The following PCGF6 variants were observed in gnomAD, a reference collection of about 807,000 sequenced individuals.
The protein encoded by PCGF6 is polycomb group ring finger 6, also known as polycomb group RING finger protein 6.
In PCGF6, 24 loss-of-function variants were observed where a neutral mutation model predicts 45.5. The ratio of observed to expected loss-of-function variants is 0.53; its 90% CI spans 0.38 to 0.74. PCGF6 has a LOEUF of 0.74. Among genes scored for constraint, PCGF6 ranks in the 30% least tolerant of loss-of-function variants. PCGF6 has a pLI of 0.00. For missense variants in PCGF6, 356 were observed against 443.2 expected (o/e 0.80, Z 1.77); for synonymous variants, 152 against 162.1 (o/e 0.94, Z 0.47).
intron 8 of PCGF6, among the ~76,000 whole-genome samples, chr10:103,321,313 G>A (rs1472698846): frequency 1.3e-5 from 2 of 152,038 alleles, no homozygotes; most frequent in African/African-American, 4.8e-5. Flanking sequence ...ATTTCAAAAT[G>A]CTAAAAGCCT....
At chr10:103,350,607 C>CGGCGGCGCACTAGGATCGG in intron 1 of PCGF6, 100 bp downstream of exon 1, 1 of 1,203,596 alleles carries the variant, frequency 8.3e-7, no homozygotes, top group Non-Finnish European at 1.1e-6. Flanking sequence ...CTCCGCGCGG[C>CGGCGGCGCACTAGGATCGG]GGCGGCGCAC....
chr10:103,304,104 TAG>T, intron 9 of PCGF6, 143 bp from the exon 10 acceptor site: 1 of 646,982 alleles, frequency 1.5e-6, no homozygotes, highest in Non-Finnish European at 2.7e-6. Flanking sequence ...GTGGACCATA[TAG>T]TTTCTTATTC....
rs145577572 is a variant in PCGF6, at chr10:103,313,303, C to T, written c.996+883G>A. 4.1e-3 allele frequency among the ~76,000 whole-genome samples: 622 copies of T among 152,110 alleles called. 4 individuals carry two copies. The highest frequency in any genetic ancestry group is 0.014 in the African/African-American group (601 of 41,504). On this transcript the variant is annotated intron_variant, in intron 9 of 9. Transcript: ENST00000369847. ...ACACAGGCTGGGCAGAGGGGCTCACCCCTGTAATCCCAGCCCTTTGGGAGG... is the reference window on the plus strand; with the variant it reads ...ACACAGGCTGGGCAGAGGGGCTCACTCCTGTAATCCCAGCCCTTTGGGAGG...
At chr10:103,304,834 T>G (rs1042288014) in intron 9 of PCGF6, among the ~76,000 whole-genome samples, 4 of 152,040 alleles carry the variant, frequency 2.6e-5, no homozygotes, top group African/African-American at 9.7e-5. Flanking sequence ...TTGTATTTTT[T>G]GTAGGAGACA....
chr10:103,315,397 T>C (rs1390909713), intron 8 of PCGF6, among the ~76,000 whole-genome samples: 1 of 152,284 alleles, frequency 6.6e-6, no homozygotes, highest in South Asian at 2.1e-4. Context: ...TCTCGCTCTG[T>C]CGCCCAGGCT....
chr10:103,309,818 T>C (rs1261961720), intron 9 of PCGF6, among the ~76,000 whole-genome samples: 6 of 152,010 alleles, frequency 3.9e-5, no homozygotes, highest in Non-Finnish European at 7.4e-5. Flanking sequence ...GTAACGTCTG[T>C]TGTCCCAGCT....
chr10:103,339,558 A>G (rs2093270681), intron 6 of PCGF6, among the ~76,000 whole-genome samples: 1 of 151,620 alleles, frequency 6.6e-6, no homozygotes, highest in African/African-American at 2.4e-5. Context: ...TGGGAGGCCA[A>G]GGCAGGTGGA....
chr10:103,329,782 G>GT (rs1479159232), intron 7 of PCGF6, among the ~76,000 whole-genome samples: 1 of 133,232 alleles, frequency 7.5e-6, no homozygotes, highest in Non-Finnish European at 1.6e-5. Context: ...CAGTTTTTTT[G>GT]TTGTTTGTTT....
At chr10:103,336,064 G>A (rs781486321) in intron 6 of PCGF6, among the ~76,000 whole-genome samples, 2 of 150,250 alleles carry the variant, frequency 1.3e-5, no homozygotes, top group African/African-American at 4.9e-5. Flanking sequence ...TCAGGAGCTC[G>A]AGACCAGCCT....
chr10:103,306,568 G>C (rs921800158), intron 9 of PCGF6, among the ~76,000 whole-genome samples: 1 of 151,996 alleles, frequency 6.6e-6, no homozygotes, highest in Non-Finnish European at 1.5e-5. Context: ...ACTCTCCTTC[G>C]CTTCTTTGCT....
At chr10:103,321,482 G>C (rs2093197115) in intron 8 of PCGF6, among the ~76,000 whole-genome samples, 1 of 152,144 alleles carries the variant, frequency 6.6e-6, no homozygotes. Context: ...GGGAGGCCAA[G>C]GTGGGCGGAT....
At chr10:103,321,949 G>A (rs950648473) in intron 8 of PCGF6, among the ~76,000 whole-genome samples, 2 of 149,840 alleles carry the variant, frequency 1.3e-5, no homozygotes, top group Non-Finnish European at 3.0e-5. Flanking sequence ...AGGCTGGAGT[G>A]CAGTGGCATG....
At chr10:103,350,282 AT>A (rs1403419344) in intron 1 of PCGF6, among the ~76,000 whole-genome samples, 2 of 149,750 alleles carry the variant, frequency 1.3e-5, no homozygotes, top group East Asian at 4.1e-4. Flanking sequence ...AAAAAAAAAA[AT>A]GTTTAATTAG....
At chr10:103,334,383 G>C (rs1267308897) in intron 6 of PCGF6, among the ~76,000 whole-genome samples, 1 of 151,934 alleles carries the variant, frequency 6.6e-6, no homozygotes, top group Non-Finnish European at 1.5e-5. Flanking sequence ...GAACATTTAG[G>C]ATCTACTTTT....
chr10:103,315,668 G>A (rs1199643092), intron 8 of PCGF6, among the ~76,000 whole-genome samples: 1 of 151,808 alleles, frequency 6.6e-6, no homozygotes, highest in African/African-American at 2.4e-5. Context: ...CAATTGTGTG[G>A]TTTTCTTTTT....
chr10:103,304,059 C>A, intron 9 of PCGF6, 98 bp from the exon 10 acceptor site: 2 of 893,454 alleles, frequency 2.2e-6, no homozygotes, highest in Non-Finnish European at 3.6e-6. Flanking sequence ...AATAATCTAA[C>A]ACTAAGGTGA....
intron 7 of PCGF6, among the ~76,000 whole-genome samples, chr10:103,333,250 C>A (rs1481178379): frequency 6.6e-6 from 1 of 152,020 alleles, no homozygotes; most frequent in Non-Finnish European, 1.5e-5. Context: ...ATTCATGTCT[C>A]TGAGCTAGTG....
rs773998619 is a variant in PCGF6, at chr10:103,348,987, G to C, written c.373C>G (p.Leu125Val). ...AAGATGTATGGGGTCAGCTCAGAGA[G>C]ATTAATCAGGCGCTGCAAATAAACG... ...SEDEEERLIN[L>V]SELTPYILCS... is the part of the protein sequence containing the mutation. Residue 125 changes from leucine (L) to valine (V), a missense_variant, in exon 2 of 10, where the codon CTC becomes GTC. By Grantham distance (32) the Leu-to-Val change is conservative. This residue lies in a region of PCGF6 where 307 missense variants were observed against 350.1 expected (regional missense o/e 0.88). Transcript: ENST00000369847. 1.7e-5 allele frequency: 28 copies of C among 1,611,244 alleles called. No individual in the cohort carries two copies. The East Asian group carries it at 6.2e-4, about 36-fold the overall frequency.
chr10:103,319,899 G>A (rs1397098480), intron 8 of PCGF6, among the ~76,000 whole-genome samples: 1 of 152,124 alleles, frequency 6.6e-6, no homozygotes, highest in African/African-American at 2.4e-5. Context: ...TCCACCTCCT[G>A]GATTCATGTG....
Sources: gnomAD v4.1 joint callset for allele counts (sites outside exome capture counted in the v4.1 genomes callset) on GRCh38, gnomAD v4.1.1 for gene constraint, gnomAD v4.1.1 regional missense constraint, MANE v1.5 for transcripts, NCBI Gene and HGNC (gene_info 2026-07-23, HGNC 2026-07-21) for gene names.